TBC1D21: variants seen among roughly 807,000 people sequenced by gnomAD.
The protein encoded by TBC1D21 is male germ cell Rab GTPase-activating protein.
In TBC1D21, 38 loss-of-function variants were observed where a neutral mutation model predicts 46.0. The observed-to-expected ratio is 0.83, with a 90% CI of 0.64 to 1.08. TBC1D21 has a LOEUF of 1.08. Among genes scored for constraint, TBC1D21 ranks in the 50% least tolerant of loss-of-function variants. The pLI, the probability that TBC1D21 is intolerant of heterozygous loss-of-function variation, is 0.00. For synonymous variants in TBC1D21, 151 were observed against 157.2 expected (o/e 0.96, Z 0.29); for missense variants, 415 against 417.9 (o/e 0.99, Z 0.06).
At chr15:73,904,367 G>C in the TBC1D21 span, among the ~76,000 whole-genome samples, 58 of 152,320 alleles carry the variant, frequency 3.8e-4, 1 homozygote, top group South Asian at 0.01. Flanking sequence ...GCTGAAGTCA[G>C]CTTGCACTGG....
At position 73,881,556 on chromosome 15, in the gene TBC1D21, T is replaced by C. The variant is rs768056470; in HGVS notation, c.168+50T>C. On this transcript the variant is annotated intron_variant, in intron 2 of 10. Transcript: ENST00000300504. Reference sequence around the variant, plus strand: ...CTTGCCCTGGAACTGGGAGCATGGATGGGCAGGGGGCAGGTGTGGCGTTGG... The same window carrying C: ...CTTGCCCTGGAACTGGGAGCATGGACGGGCAGGGGGCAGGTGTGGCGTTGG... 4.4e-6 allele frequency: 7 copies of C among 1,602,838 alleles called. No homozygotes were observed. In the East Asian group the frequency reaches 1.6e-4, roughly 36 times the overall value.
chr15:73,897,943 C>T, the TBC1D21 span, among the ~76,000 whole-genome samples: 1 of 152,046 alleles, frequency 6.6e-6, no homozygotes, highest in South Asian at 2.1e-4. Flanking sequence ...CTCCTCCTTT[C>T]CTGGCTGGGA....
In TBC1D21 at chr15:73,886,134, C is replaced by T; in HGVS notation, c.636C>T (p.Thr212=). The change falls in exon 7 of 11, where the codon ACC becomes ACT. Residue 212 remains threonine, a synonymous_variant. Transcript: ENST00000300504. The part of the protein sequence containing the change: ...GVAKNLDMLS[T]LITFLDPVFA... Reference sequence around the variant, plus strand: ...CCAAGAACCTAGACATGCTCAGCACCCTGATCACCTTCCTGGACCCCGTGT... The same window carrying T: ...CCAAGAACCTAGACATGCTCAGCACTCTGATCACCTTCCTGGACCCCGTGT... 6.2e-7 allele frequency: 1 copy of T among 1,614,204 alleles called. No individual in the cohort carries two copies. Among genetic ancestry groups the T allele is most frequent in the Non-Finnish European group, 8.5e-7 (1 of 1,180,032 alleles).
chr15:73,889,434 G>T (rs1165470969), downstream of TBC1D21, among the ~76,000 whole-genome samples: 1 of 152,190 alleles, frequency 6.6e-6, no homozygotes, highest in African/African-American at 2.4e-5. Flanking sequence ...GGTTAGAGTA[G>T]AACCAGCTCT....
the TBC1D21 span, among the ~76,000 whole-genome samples, chr15:73,905,308 A>T: frequency 6.6e-6 from 1 of 152,248 alleles, no homozygotes. Context: ...TTAGGAAAAA[A>T]TATTTAGACA....
intron 1 of TBC1D21, among the ~76,000 whole-genome samples, chr15:73,879,989 C>T (rs1017138321): frequency 6.7e-6 from 1 of 149,232 alleles, no homozygotes; most frequent in Admixed American, 6.6e-5. Context: ...CTCTGCCTAC[C>T]GGGTTCACGT....
rs2068312992 is a variant in TBC1D21, at chr15:73,889,071, T to C, written c.981T>C (p.Val327=). 1 of 1,613,450 alleles carries C rather than the reference T, an allele frequency of 6.2e-7. No homozygotes were observed. The highest frequency in any genetic ancestry group is 1.1e-5 in the South Asian group (1 of 90,780). The change falls in exon 11 of 11, where the codon GTT becomes GTC. Residue 327 remains valine (V), a splice_region_variant and synonymous_variant. Transcript: ENST00000300504. ...VVYAELIQKD[V]PQTLKDFFL is the part of the protein sequence containing the mutation. ...CCTCCCACCTGCCTCCTCCCTAGGTTCCTCAGACATTAAAGGATTTCTTCC... is the reference window on the plus strand; with the variant it reads ...CCTCCCACCTGCCTCCTCCCTAGGTCCCTCAGACATTAAAGGATTTCTTCC...
intron 1 of TBC1D21, 37 bp downstream of exon 1, chr15:73,873,806 C>A: frequency 6.3e-7 from 1 of 1,598,194 alleles, no homozygotes; most frequent in East Asian, 2.3e-5. Flanking sequence ...GCCTCCCTCC[C>A]CAGCCTCTGG....
the TBC1D21 span, among the ~76,000 whole-genome samples, chr15:73,895,827 G>A: frequency 2.6e-5 from 4 of 152,310 alleles, no homozygotes; most frequent in East Asian, 1.9e-4. Flanking sequence ...CTGGCTTGCC[G>A]ATGCTCTGCT....
At chr15:73,893,455 CA>C (rs1331596605), downstream of TBC1D21, among the ~76,000 whole-genome samples, 1 of 152,212 alleles carries the variant, frequency 6.6e-6, no homozygotes, top group Admixed American at 6.5e-5. Flanking sequence ...GCATTTCTTC[CA>C]AGCTCTCACC....
rs374654485 is a variant in TBC1D21, at chr15:73,888,555, C to T, written c.978+42C>T. 1.4e-4 allele frequency: 202 copies of T among 1,403,300 alleles called. No homozygotes were observed. The African/African-American group carries it at 2.4e-3, about 16-fold the overall frequency. The allele number at this position is 1,403,300 out of a possible 1,614,324, so 86.9% of individuals were successfully genotyped here. On this transcript the variant is annotated intron_variant, in intron 10 of 10. Transcript: ENST00000300504. ...ATGTGTCCTCCTCCTCCTCTTCCTC[C>T]TCCTCCTCTTCCTCCTCCTCCTCCT... is the stretch of plus-strand genomic sequence containing the variant.
rs759426804 is a variant in TBC1D21, at chr15:73,881,690, G to A, written c.215G>A (p.Gly72Asp). The change falls in exon 3 of 11, where the codon GGC becomes GAC. Residue 72 changes from glycine (G) to aspartate (D), a missense_variant. Physicochemically the swap from Gly to Asp is moderately conservative, Grantham distance 94 (BLOSUM62 -1). Coordinates refer to ENST00000300504, the MANE Select transcript of TBC1D21 (RefSeq NM_153356.3). Reference sequence around the variant, plus strand: ...ACTGAAGCCTGGAAATTCCTCACGGGCTACTTCTCATGGCAGAGTTCCCAG... The same window carrying A: ...ACTGAAGCCTGGAAATTCCTCACGGACTACTTCTCATGGCAGAGTTCCCAG... ...VRTEAWKFLT[G>D]YFSWQSSQDE... 1 of 1,613,888 alleles carries A rather than the reference G, an allele frequency of 6.2e-7. No homozygotes were observed. The highest frequency in any genetic ancestry group is 2.2e-5 in the East Asian group (1 of 44,840).
chr15:73,900,430 G>A, the TBC1D21 span, among the ~76,000 whole-genome samples: 2 of 152,192 alleles, frequency 1.3e-5, no homozygotes, highest in African/African-American at 2.4e-5. Flanking sequence ...TGAAAGGGGT[G>A]AGTCATACTT....
chr15:73,891,518 G>T (rs538442261), downstream of TBC1D21, among the ~76,000 whole-genome samples: 44 of 152,276 alleles, frequency 2.9e-4, no homozygotes, highest in African/African-American at 1.1e-3. Context: ...AAGTTGGAGG[G>T]GTGGGAGCCC....
At chr15:73,902,142 A>G in the TBC1D21 span, among the ~76,000 whole-genome samples, 1 of 152,164 alleles carries the variant, frequency 6.6e-6, no homozygotes, top group Non-Finnish European at 1.5e-5. Context: ...TACATCTGCA[A>G]AGTCACTTTT....
the TBC1D21 span, among the ~76,000 whole-genome samples, chr15:73,896,061 GTTCC>G: frequency 6.6e-6 from 1 of 152,110 alleles, no homozygotes; most frequent in East Asian, 1.9e-4. Flanking sequence ...GGGTGATGAA[GTTCC>G]TGGTAATGAT....
chr15:73,905,950 G>A, the TBC1D21 span, among the ~76,000 whole-genome samples: 1 of 152,146 alleles, frequency 6.6e-6, no homozygotes, highest in African/African-American at 2.4e-5. Context: ...GGAACAAAGA[G>A]CTCCTGCCTG....
intron 1 of TBC1D21, 56 bp from the exon 2 acceptor site, chr15:73,881,343 C>T (rs2068150120): frequency 7.6e-7 from 1 of 1,323,760 alleles, no homozygotes; most frequent in Non-Finnish European, 1.1e-6. Context: ...TTTAAAATCA[C>T]ACTTAAAAGC....
chr15:73,894,408 G>A, the TBC1D21 span, among the ~76,000 whole-genome samples: 2 of 152,210 alleles, frequency 1.3e-5, no homozygotes, highest in Non-Finnish European at 2.9e-5. Flanking sequence ...TACTTCCCTC[G>A]TCCCTCTCTA....
Sources: allele counts gnomAD v4.1 joint callset (sites outside exome capture counted in the v4.1 genomes callset), GRCh38; gene constraint gnomAD v4.1.1; transcripts MANE v1.5; gene names NCBI Gene and HGNC (gene_info 2026-07-23, HGNC 2026-07-21).